The following KHDRBS2 variants were observed in gnomAD, a reference collection of about 807,000 sequenced individuals.
The protein encoded by KHDRBS2 is KH domain-containing, RNA-binding, signal transduction-associated protein 2.
KHDRBS2 carries 26 observed loss-of-function variants against 44.3 expected under a neutral mutation model. The observed-to-expected ratio is 0.59, with a 90% CI of 0.43 to 0.81. The LOEUF (loss-of-function observed/expected upper bound fraction) is 0.81, where lower values mean the gene tolerates loss of function less well. Ranked by LOEUF, KHDRBS2 falls within the 40% of genes least tolerant of loss-of-function variation. The pLI, the probability that KHDRBS2 is intolerant of heterozygous loss-of-function variation, is 0.00. For synonymous variants in KHDRBS2, 194 were observed against 151.1 expected, an observed-to-expected ratio of 1.28 and a Z score of -2.08; for missense variants, 476 against 433.1, an observed-to-expected ratio of 1.10 and a Z score of -0.88.
intron 4 of KHDRBS2, among the ~76,000 whole-genome samples, chr6:61,925,103 T>G (rs1808717808): frequency 6.6e-6 from 1 of 152,142 alleles, no homozygotes; most frequent in Admixed American, 6.6e-5. Flanking sequence ...TTGAATTGGT[T>G]CATATTAATA....
chr6:62,097,970 C>A (rs2127370063), intron 2 of KHDRBS2, among the ~76,000 whole-genome samples: 1 of 152,088 alleles, frequency 6.6e-6, no homozygotes, highest in East Asian at 1.9e-4. Context: ...CTGATAACAA[C>A]TTAACTTTGA....
intron 1 of KHDRBS2, among the ~76,000 whole-genome samples, chr6:62,210,010 GT>G (rs1397198309): frequency 6.6e-6 from 1 of 152,012 alleles, no homozygotes; most frequent in African/African-American, 2.4e-5. Flanking sequence ...ACTTCATCTT[GT>G]GATTCTGTGA....
intron 2 of KHDRBS2, among the ~76,000 whole-genome samples, chr6:62,140,724 G>C (rs1812632864): frequency 6.6e-6 from 1 of 152,178 alleles, no homozygotes; most frequent in South Asian, 2.1e-4. Flanking sequence ...CATGGATTAA[G>C]AATGTAACTC....
chr6:62,063,232 C>T (rs908617664), intron 2 of KHDRBS2, among the ~76,000 whole-genome samples: 2 of 140,626 alleles, frequency 1.4e-5, no homozygotes, highest in African/African-American at 5.1e-5. Context: ...CCTTCTGAAA[C>T]TATTCCAATC....
At chr6:62,195,177 C>T (rs1045985429) in intron 1 of KHDRBS2, among the ~76,000 whole-genome samples, 2 of 152,090 alleles carry the variant, frequency 1.3e-5, no homozygotes, top group East Asian at 3.9e-4. Flanking sequence ...GTATTTTCTC[C>T]TTTGATGCTA....
chr6:61,710,055 C>T (rs968867739), intron 7 of KHDRBS2, among the ~76,000 whole-genome samples: 6 of 151,658 alleles, frequency 4.0e-5, no homozygotes, highest in African/African-American at 1.4e-4. Flanking sequence ...GCATGATGTT[C>T]CAAAATCACT....
chr6:61,777,809 C>T lies in KHDRBS2; in HGVS notation c.811-45045G>A, dbSNP rs561786235. On this transcript the variant is annotated intron_variant, in intron 6 of 8. Coordinates refer to ENST00000281156, the MANE Select transcript of KHDRBS2 (RefSeq NM_152688.4). ...TAAAAATATCACATAGCTGTAAAAACGAAGATTAAGATTTTATTTATTTAT... is the reference window on the plus strand; with the variant it reads ...TAAAAATATCACATAGCTGTAAAAATGAAGATTAAGATTTTATTTATTTAT... 9.2e-5 allele frequency among the ~76,000 whole-genome samples: 14 copies of T among 152,062 alleles called. No homozygotes were observed. The South Asian group carries it at 2.9e-3, about 31-fold the overall frequency.
At chr6:61,828,689 C>T (rs1791315983) in intron 6 of KHDRBS2, among the ~76,000 whole-genome samples, 1 of 152,170 alleles carries the variant, frequency 6.6e-6, no homozygotes, top group South Asian at 2.1e-4. Context: ...CTTCTCTGCC[C>T]CTTGCCCTGT....
At chr6:62,148,702 T>C (rs770672810) in intron 2 of KHDRBS2, among the ~76,000 whole-genome samples, 1 of 152,038 alleles carries the variant, frequency 6.6e-6, no homozygotes, top group Non-Finnish European at 1.5e-5. Context: ...AACTTTACCC[T>C]AAAAAAGCTC....
the KHDRBS2 span, among the ~76,000 whole-genome samples, chr6:61,667,619 T>A: frequency 2.6e-5 from 4 of 151,356 alleles, no homozygotes; most frequent in African/African-American, 9.7e-5. Context: ...TATTTCTTCG[T>A]CATCTTTAAA....
At chr6:62,266,964 T>C (rs1221305500) in intron 1 of KHDRBS2, among the ~76,000 whole-genome samples, 2 of 152,032 alleles carry the variant, frequency 1.3e-5, no homozygotes, top group South Asian at 2.1e-4. Flanking sequence ...TTTGGCATCT[T>C]AGCTAGTTTC....
chr6:62,063,039 T>C (rs1041475104), intron 2 of KHDRBS2, among the ~76,000 whole-genome samples: 4 of 149,214 alleles, frequency 2.7e-5, no homozygotes, highest in African/African-American at 9.9e-5. Context: ...AAGAAATGGA[T>C]ACATTCCTCG....
rs76427462 is a variant in KHDRBS2 at position 62,223,033 on chromosome 6, G to C, written c.92-45721C>G. The stretch of plus-strand genomic sequence containing the variant: ...CCCTCTTCTCACAGCTCCACTAGGT[G>C]GTGCCCCAGTAGGGACTCTTTGAGT... On this transcript the variant is annotated intron_variant, in intron 1 of 8. Transcript: ENST00000281156. Among the ~76,000 whole-genome samples, 1,260 of 152,278 alleles carry C rather than the reference G, an allele frequency of 8.3e-3. 16 individuals are homozygous for C. The highest frequency in any genetic ancestry group is 0.028 in the African/African-American group (1,173 of 41,554).
intron 2 of KHDRBS2, among the ~76,000 whole-genome samples, chr6:62,176,586 T>G (rs1361490901): frequency 3.3e-5 from 5 of 151,246 alleles, no homozygotes; most frequent in African/African-American, 1.2e-4. Flanking sequence ...TTGAAATGTA[T>G]GAATATAATT....
At chr6:62,053,743 C>T (rs1471261903) in intron 2 of KHDRBS2, among the ~76,000 whole-genome samples, 2 of 151,694 alleles carry the variant, frequency 1.3e-5, no homozygotes, top group Non-Finnish European at 2.9e-5. Context: ...ACGACTCAAA[C>T]AATCTACTAA....
intron 2 of KHDRBS2, among the ~76,000 whole-genome samples, chr6:62,144,230 T>C (rs1201781979): frequency 1.3e-5 from 2 of 151,984 alleles, no homozygotes; most frequent in Admixed American, 1.3e-4. Flanking sequence ...AAAAACTAGT[T>C]TGACAGGGTT....
intron 2 of KHDRBS2, among the ~76,000 whole-genome samples, chr6:62,148,934 C>T (rs1814507004): frequency 6.6e-6 from 1 of 152,072 alleles, no homozygotes; most frequent in African/African-American, 2.4e-5. Flanking sequence ...AATGGCTAAT[C>T]AAAGACTCAA....
chr6:61,634,186 T>TCAA, the KHDRBS2 span, among the ~76,000 whole-genome samples: 492 of 151,884 alleles, frequency 3.2e-3, 1 homozygote, highest in African/African-American at 0.011. Context: ...CCTTTATTTG[T>TCAA]CAACAATCAC....
chr6:62,158,203 C>A (rs528581277), intron 2 of KHDRBS2, among the ~76,000 whole-genome samples: 1 of 152,274 alleles, frequency 6.6e-6, no homozygotes, highest in East Asian at 1.9e-4. Flanking sequence ...TTATTACACA[C>A]ACATAGAATC....
Sources: gnomAD v4.1 joint callset for allele counts (sites outside exome capture counted in the v4.1 genomes callset) on GRCh38, gnomAD v4.1.1 for gene constraint, MANE v1.5 for transcripts, NCBI Gene and HGNC (gene_info 2026-07-23, HGNC 2026-07-21) for gene names.